Variants in DNAH14 observed in about 807,000 individuals in gnomAD.
DNAH14 encodes dynein axonemal heavy chain 14.
In DNAH14, 478 loss-of-function variants were observed where a neutral mutation model predicts 520.9. That is an observed-to-expected ratio of 0.92 (90% CI 0.85 to 0.99). DNAH14 has a LOEUF of 0.99. DNAH14 is among the 50% of genes least tolerant of loss of function. DNAH14 has a pLI of 0.00. For missense variants in DNAH14, 4,831 were observed against 5,234.5 expected, an observed-to-expected ratio of 0.92 and a Z score of 2.38; for synonymous variants, 1,581 against 1,757.2, an observed-to-expected ratio of 0.90 and a Z score of 2.51.
intron 41 of DNAH14, among the ~76,000 whole-genome samples, chr1:225,208,074 A>C (rs749805379): frequency 1.3e-5 from 2 of 152,144 alleles, no homozygotes; most frequent in Non-Finnish European, 2.9e-5. Context: ...CCCCCCTTCA[A>C]ATCTTAAACC....
intron 17 of DNAH14, among the ~76,000 whole-genome samples, chr1:225,063,359 A>G (rs1030126453): frequency 3.3e-5 from 5 of 152,110 alleles, no homozygotes; most frequent in Non-Finnish European, 7.4e-5. Flanking sequence ...CTGTGTAACT[A>G]ATTTTTATAT....
At chr1:225,184,801 G>T (rs918336990) in intron 36 of DNAH14, among the ~76,000 whole-genome samples, 4 of 151,712 alleles carry the variant, frequency 2.6e-5, no homozygotes, top group African/African-American at 9.7e-5. Flanking sequence ...AAGAAAGAAA[G>T]AAGCCATACT....
intron 17 of DNAH14, among the ~76,000 whole-genome samples, chr1:225,078,065 T>G: frequency 6.6e-6 from 1 of 152,196 alleles, no homozygotes; most frequent in East Asian, 1.9e-4. Context: ...TGAAAAAATT[T>G]TAGTTCCAGC....
intron 26 of DNAH14, among the ~76,000 whole-genome samples, chr1:225,120,342 G>A (rs2077188950): frequency 6.6e-6 from 1 of 152,164 alleles, no homozygotes. Flanking sequence ...AATATCTCAA[G>A]CACTGATCTT....
intron 83 of DNAH14, among the ~76,000 whole-genome samples, chr1:225,391,836 C>T (rs1364069345): frequency 2.6e-5 from 4 of 152,126 alleles, no homozygotes; most frequent in African/African-American, 9.7e-5. Flanking sequence ...GCCACAAGCA[C>T]CTCAGCAACC....
rs552683560 is a variant in DNAH14, at chr1:225,117,145, G to A, written c.3868-539G>A. On this transcript the variant is annotated intron_variant, in intron 23 of 85. Transcript: ENST00000682510. ...GGGTATCTCTTCCTCTGAAAAGAAG[G>A]AAAGGATTGAGACTAGTGTTAATGC... 2.0e-5 allele frequency among the ~76,000 whole-genome samples: 3 copies of A among 152,172 alleles called. No homozygotes were observed. In the East Asian group the frequency reaches 5.8e-4, roughly 29 times the overall value.
chr1:225,029,210 T>C (rs2066356639), intron 11 of DNAH14, among the ~76,000 whole-genome samples: 5 of 152,020 alleles, frequency 3.3e-5, no homozygotes, highest in Admixed American at 3.3e-4. Context: ...ATATGACATT[T>C]TGGCAAACCA....
Position 225,307,486 on chromosome 1 carries a change from A to G in DNAH14, c.9031A>G (p.Thr3011Ala), listed in dbSNP as rs200518833. ...GGATCGCTTCCATATGGGTCTATCC[A>G]CAATCCTGGAAGCAACCACTCTAGT... is the stretch of plus-strand genomic sequence containing the variant. The part of the protein sequence containing the change: ...KRDRFHMGLS[T>A]ILEATTLVTE... Residue 3011 changes from threonine (T) to alanine (A), a missense_variant, in exon 59 of 86, where the codon ACA becomes GCA. Transcript: ENST00000682510. The G allele has an allele frequency of 1.1e-4, 164 of 1,548,360 alleles. 1 individual carries two copies. The Middle Eastern group carries it at 1.3e-3, about 13-fold the overall frequency.
intron 36 of DNAH14, among the ~76,000 whole-genome samples, chr1:225,175,148 G>A (rs1162481374): frequency 6.6e-6 from 1 of 151,922 alleles, no homozygotes; most frequent in Non-Finnish European, 1.5e-5. Context: ...TTTTTGTTGT[G>A]TTCTTATCTG....
At chr1:225,335,762 C>A (rs111205891) in intron 66 of DNAH14, among the ~76,000 whole-genome samples, 3 of 28,976 alleles carry the variant, frequency 1.0e-4, no homozygotes, top group Non-Finnish European at 1.6e-4. Context: ...TATATACATA[C>A]ATGTGCATAT....
intron 34 of DNAH14, among the ~76,000 whole-genome samples, chr1:225,157,711 A>G (rs2081173806): frequency 6.6e-6 from 1 of 152,112 alleles, no homozygotes; most frequent in Admixed American, 6.5e-5. Context: ...TTAAAAGGCC[A>G]TTGTCATTCC....
intron 17 of DNAH14, among the ~76,000 whole-genome samples, chr1:225,062,150 A>AT (rs1271532205): frequency 3.3e-5 from 5 of 151,000 alleles, no homozygotes; most frequent in Non-Finnish European, 5.9e-5. Flanking sequence ...AATGCAAAAA[A>AT]ATTAGTCAGG....
chr1:225,195,389 C>A (rs1443435052), intron 38 of DNAH14, among the ~76,000 whole-genome samples: 1 of 151,902 alleles, frequency 6.6e-6, no homozygotes, highest in Admixed American at 6.6e-5. Flanking sequence ...TTATCCTAAG[C>A]AAACTAACTC....
At chr1:225,259,320 T>A in intron 46 of DNAH14, 67 bp downstream of exon 46, 1 of 1,145,508 alleles carries the variant, frequency 8.7e-7, no homozygotes, top group Non-Finnish European at 1.1e-6. Flanking sequence ...TATATAAATA[T>A]GCCTGTTTTT....
chr1:224,987,926 C>G (rs1376938695), intron 8 of DNAH14, among the ~76,000 whole-genome samples: 1 of 152,118 alleles, frequency 6.6e-6, no homozygotes, highest in Non-Finnish European at 1.5e-5. Flanking sequence ...TTCTGGGGTA[C>G]ATGTGCAGGA....
intron 1 of DNAH14, among the ~76,000 whole-genome samples, chr1:224,941,107 A>G (rs2059391470): frequency 6.6e-6 from 1 of 152,202 alleles, no homozygotes; most frequent in African/African-American, 2.4e-5. Flanking sequence ...CACTTCCACA[A>G]TGGTTGAACT....
In DNAH14 at chr1:225,252,361, G is replaced by C; in HGVS notation, c.6809G>C (p.Cys2270Ser). 6.5e-7 allele frequency: 1 copy of C among 1,549,990 alleles called. No individual in the cohort carries two copies. ...GGATATTTTGTGGATATAGAGCAAT[G>C]TGAATTCATACCTTGGTCAGATTTA... ...IFGYFVDIEQ[C>S]EFIPWSDLVP... The change falls in exon 44 of 86, where the codon TGT (cysteine) becomes TCT (serine). Residue 2270 changes from cysteine to serine, a missense_variant. Physicochemically the swap from Cys to Ser is moderately radical, Grantham distance 112 (BLOSUM62 -1). Coordinates refer to ENST00000682510, the MANE Select transcript of DNAH14 (RefSeq NM_001367479.1).
chr1:225,307,039 G>A (rs1198879428), intron 58 of DNAH14, among the ~76,000 whole-genome samples: 2 of 152,076 alleles, frequency 1.3e-5, no homozygotes, highest in East Asian at 3.9e-4. Context: ...GTTTAAATGA[G>A]AGGTACCCTT....
chr1:224,976,864 A>T (rs111676659), intron 8 of DNAH14, among the ~76,000 whole-genome samples: 2 of 151,694 alleles, frequency 1.3e-5, no homozygotes, highest in African/African-American at 4.8e-5. Flanking sequence ...ATGTGGAGAA[A>T]TAGGAACACT....
Sources: gnomAD v4.1 joint callset for allele counts (sites outside exome capture counted in the v4.1 genomes callset) on GRCh38, gnomAD v4.1.1 for gene constraint, MANE v1.5 for transcripts, NCBI Gene and HGNC (gene_info 2026-07-23, HGNC 2026-07-21) for gene names.